Variants in XKR9 observed in about 807,000 individuals in gnomAD.
The protein encoded by XKR9 is XK-related protein 9.
A neutral mutation model predicts 32.0 loss-of-function variants in XKR9; 32 were observed. The ratio of observed to expected loss-of-function variants is 1.00; its 90% CI spans 0.76 to 1.34. The LOEUF (loss-of-function observed/expected upper bound fraction) is 1.34. Among genes scored for constraint, XKR9 ranks in the 40% most tolerant of loss-of-function variants. XKR9 has a pLI of 0.00. For synonymous variants in XKR9, 168 were observed against 143.4 expected, an observed-to-expected ratio of 1.17 and a Z score of -1.22; for missense variants, 546 against 429.7, an observed-to-expected ratio of 1.27 and a Z score of -2.39.
chr8:71,045,648 T>C, the XKR9 span, among the ~76,000 whole-genome samples: 2 of 152,150 alleles, frequency 1.3e-5, no homozygotes, highest in Non-Finnish European at 2.9e-5. Flanking sequence ...CCACGCGCAG[T>C]TCCAGGGGAA....
At chr8:70,907,577 T>TG in the XKR9 span, among the ~76,000 whole-genome samples, 2 of 152,170 alleles carry the variant, frequency 1.3e-5, no homozygotes, top group Non-Finnish European at 1.5e-5. Context: ...ATAACAGATT[T>TG]GGGGGAGAGG....
At chr8:70,675,390 T>C (rs933870293) in intron 2 of XKR9, among the ~76,000 whole-genome samples, 3 of 152,214 alleles carry the variant, frequency 2.0e-5, no homozygotes, top group Non-Finnish European at 4.4e-5. Context: ...CTTTTAGTTT[T>C]GCAAATATCT....
At chr8:70,942,597 A>G in the XKR9 span, among the ~76,000 whole-genome samples, 5 of 152,136 alleles carry the variant, frequency 3.3e-5, no homozygotes, top group Non-Finnish European at 5.9e-5. Context: ...ACGAGTGCCA[A>G]TGTGTGCCAG....
At chr8:70,763,891 A>G (rs758523482) in intron 2 of XKR9, among the ~76,000 whole-genome samples, 1 of 152,216 alleles carries the variant, frequency 6.6e-6, no homozygotes, top group Non-Finnish European at 1.5e-5. Context: ...ATATATTGGC[A>G]TCTGCCTCTA....
chr8:70,705,926 A>G (rs1166244614), intron 3 of XKR9, among the ~76,000 whole-genome samples: 1 of 152,098 alleles, frequency 6.6e-6, no homozygotes, highest in Admixed American at 6.6e-5. Context: ...GATTCTGGAT[A>G]TATTTGAAGT....
At chr8:70,961,059 A>G in the XKR9 span, among the ~76,000 whole-genome samples, 2 of 152,214 alleles carry the variant, frequency 1.3e-5, no homozygotes, top group Non-Finnish European at 2.9e-5. Flanking sequence ...AATCCCAGCT[A>G]CTTGGAAGGC....
chr8:70,736,031 A>G (rs1336312951), downstream of XKR9: 1 of 152,210 alleles, frequency 6.6e-6, no homozygotes, highest in Non-Finnish European at 1.5e-5. Flanking sequence ...TCCCTGAGGA[A>G]TCACCACACT....
intron 2 of XKR9, among the ~76,000 whole-genome samples, chr8:70,748,038 A>G (rs537738459): frequency 1.3e-5 from 2 of 152,302 alleles, no homozygotes; most frequent in African/African-American, 4.8e-5. Context: ...CTTGATTTTG[A>G]TGTTGTTATT....
At chr8:70,978,972 C>T in the XKR9 span, among the ~76,000 whole-genome samples, 3 of 152,112 alleles carry the variant, frequency 2.0e-5, no homozygotes, top group Non-Finnish European at 4.4e-5. Flanking sequence ...CTTCTCACTT[C>T]ATTTCATTAA....
the XKR9 span, among the ~76,000 whole-genome samples, chr8:70,901,694 G>A: frequency 6.6e-6 from 1 of 152,174 alleles, no homozygotes; most frequent in African/African-American, 2.4e-5. Context: ...TTTGTCTTTT[G>A]TTGCCATTGC....
chr8:70,996,732 A>C, the XKR9 span, among the ~76,000 whole-genome samples: 1 of 152,176 alleles, frequency 6.6e-6, no homozygotes, highest in Non-Finnish European at 1.5e-5. Flanking sequence ...ACAGTAGACA[A>C]AAGGAGGTCA....
chr8:71,062,458 T>C, the XKR9 span, among the ~76,000 whole-genome samples: 3 of 152,120 alleles, frequency 2.0e-5, no homozygotes, highest in Non-Finnish European at 4.4e-5. Flanking sequence ...TCCACCCTCA[T>C]GACATAATCA....
chr8:70,805,305 C>T, the XKR9 span, among the ~76,000 whole-genome samples: 8 of 152,226 alleles, frequency 5.3e-5, no homozygotes, highest in Non-Finnish European at 1.0e-4. Context: ...CGTGTACCCA[C>T]GCCACTGGCG....
the XKR9 span, among the ~76,000 whole-genome samples, chr8:70,899,046 T>C: frequency 8.5e-5 from 13 of 152,202 alleles, no homozygotes; most frequent in Non-Finnish European, 1.8e-4. Context: ...CCCAAATAGC[T>C]GGGACTAAAA....
At chr8:70,696,642 C>T (rs1366051023) in intron 3 of XKR9, among the ~76,000 whole-genome samples, 21 of 144,934 alleles carry the variant, frequency 1.4e-4, no homozygotes, top group African/African-American at 5.3e-4. Context: ...GTTCTTTTGG[C>T]TTAGGATTGA....
the XKR9 span, among the ~76,000 whole-genome samples, chr8:70,970,738 C>T: frequency 7.2e-5 from 11 of 152,132 alleles, no homozygotes; most frequent in East Asian, 1.9e-3. Context: ...TGGTTGGTTC[C>T]AAGTTGTTGC....
chr8:70,805,174 C>T, the XKR9 span, among the ~76,000 whole-genome samples: 7 of 152,198 alleles, frequency 4.6e-5, no homozygotes, highest in Non-Finnish European at 7.3e-5. Flanking sequence ...CTAAGAGCCA[C>T]ACAGGGCAGG....
the XKR9 span, among the ~76,000 whole-genome samples, chr8:70,925,756 G>C: frequency 6.6e-6 from 1 of 152,112 alleles, no homozygotes; most frequent in Non-Finnish European, 1.5e-5. Context: ...ACCATGCAAA[G>C]GAAATCCAGA....
the XKR9 span, among the ~76,000 whole-genome samples, chr8:70,898,637 A>G: frequency 6.6e-6 from 1 of 152,166 alleles, no homozygotes; most frequent in Non-Finnish European, 1.5e-5. Flanking sequence ...TTTTCCTGAT[A>G]TATTTCTGTT....
Sources: allele counts gnomAD v4.1 joint callset (sites outside exome capture counted in the v4.1 genomes callset), GRCh38; gene constraint gnomAD v4.1.1; transcripts MANE v1.5; gene names NCBI Gene and HGNC (gene_info 2026-07-23, HGNC 2026-07-21).